ACTR3C: variants seen among roughly 807,000 people sequenced by gnomAD.
ACTR3C encodes actin related protein 3C, also known as actin-related protein 3C.
A neutral mutation model predicts 26.3 loss-of-function variants in ACTR3C; 18 were observed. The observed-to-expected ratio is 0.68, with a 90% CI of 0.47 to 1.01. The LOEUF is 1.01. ACTR3C is among the 50% of genes least tolerant of loss of function. The pLI is 0.00. For missense variants in ACTR3C, 184 were observed against 250.7 expected (o/e 0.73, Z 1.80); for synonymous variants, 55 against 94.5 (o/e 0.58, Z 2.42).
chr7:150,305,325 C>T (rs150857048), intron 1 of ACTR3C, among the ~76,000 whole-genome samples: 242 of 152,250 alleles, frequency 1.6e-3, no homozygotes, highest in Non-Finnish European at 2.7e-3. Flanking sequence ...CCACTCCTAC[C>T]ATTCTCACCC....
intron 6 of ACTR3C, among the ~76,000 whole-genome samples, chr7:150,282,874 T>C (rs1370858395): frequency 6.7e-6 from 1 of 148,188 alleles, no homozygotes; most frequent in Non-Finnish European, 1.5e-5. Context: ...AAGAATCCTC[T>C]TCCCTCCGCA....
intron 3 of ACTR3C, among the ~76,000 whole-genome samples, chr7:150,290,954 A>G (rs2129612927): frequency 6.6e-6 from 1 of 152,356 alleles, no homozygotes; most frequent in East Asian, 1.9e-4. Flanking sequence ...TAAATTATGT[A>G]CTTCTTAAAT....
At chr7:150,132,303 A>T in the ACTR3C span, among the ~76,000 whole-genome samples, 1 of 152,248 alleles carries the variant, frequency 6.6e-6, no homozygotes, top group Non-Finnish European at 1.5e-5. Flanking sequence ...TAGGTTGCAT[A>T]GCTCTCTGGA....
chr7:150,039,848 C>T, the ACTR3C span, among the ~76,000 whole-genome samples: 2 of 127,766 alleles, frequency 1.6e-5, no homozygotes, highest in African/African-American at 5.8e-5. Context: ...GATGGGGGTC[C>T]TAAGAGCAAA....
the ACTR3C span, among the ~76,000 whole-genome samples, chr7:150,149,950 A>C: frequency 1.9e-4 from 29 of 152,360 alleles, no homozygotes; most frequent in African/African-American, 6.3e-4. Context: ...CCGATTTTCT[A>C]ACAAGCCACA....
the ACTR3C span, among the ~76,000 whole-genome samples, chr7:150,137,235 C>T: frequency 3.3e-5 from 5 of 152,162 alleles, no homozygotes; most frequent in South Asian, 8.3e-4. Context: ...CCTCTTGAAG[C>T]GGGATGCTTT....
chr7:150,049,404 G>A, the ACTR3C span, among the ~76,000 whole-genome samples: 10 of 152,208 alleles, frequency 6.6e-5, no homozygotes, highest in East Asian at 5.8e-4. Flanking sequence ...CCAGAGGGGG[G>A]AACCTGTGAG....
chr7:150,166,741 C>T, the ACTR3C span, among the ~76,000 whole-genome samples: 1 of 149,982 alleles, frequency 6.7e-6, no homozygotes, highest in African/African-American at 2.5e-5. Context: ...TGCTGTTGAA[C>T]ATTAGAATGT....
the ACTR3C span, among the ~76,000 whole-genome samples, chr7:150,145,120 T>C: frequency 7.0e-6 from 1 of 142,260 alleles, no homozygotes; most frequent in Non-Finnish European, 1.5e-5. Context: ...GAGAAATAAC[T>C]GAGTGGAAAA....
At chr7:150,107,337 A>T in the ACTR3C span, among the ~76,000 whole-genome samples, 1 of 151,832 alleles carries the variant, frequency 6.6e-6, no homozygotes, top group Admixed American at 6.6e-5. Context: ...ATCAGTGTCA[A>T]CTTTGAAGAA....
At chr7:149,929,419 T>G in the ACTR3C span, among the ~76,000 whole-genome samples, 1 of 83,132 alleles carries the variant, frequency 1.2e-5, no homozygotes, top group African/African-American at 4.1e-5. Context: ...CAGAACAAGA[T>G]TCTGTCAAAA....
the ACTR3C span, among the ~76,000 whole-genome samples, chr7:150,230,632 T>C: frequency 6.6e-6 from 1 of 152,190 alleles, no homozygotes; most frequent in African/African-American, 2.4e-5. Context: ...CATGATGATC[T>C]GAGGTGGAAG....
chr7:150,171,837 T>C, the ACTR3C span, among the ~76,000 whole-genome samples: 1 of 150,498 alleles, frequency 6.6e-6, no homozygotes, highest in Non-Finnish European at 1.5e-5. Context: ...TCTTTTGAGA[T>C]AGTCTCACTC....
At chr7:150,214,377 G>T in the ACTR3C span, among the ~76,000 whole-genome samples, 36 of 152,026 alleles carry the variant, frequency 2.4e-4, no homozygotes, top group African/African-American at 8.2e-4. Flanking sequence ...GCAGAAAATA[G>T]AAATTATGGA....
chr7:150,195,519 G>T, the ACTR3C span, among the ~76,000 whole-genome samples: 1 of 151,948 alleles, frequency 6.6e-6, no homozygotes, highest in African/African-American at 2.4e-5. Flanking sequence ...CTTCATTTTT[G>T]AAAGATATTT....
intron 1 of ACTR3C, among the ~76,000 whole-genome samples, chr7:150,306,668 G>A (rs73470356): frequency 0.041 from 6,201 of 152,266 alleles, 420 homozygotes; most frequent in African/African-American, 0.14. Flanking sequence ...ACAACACAGC[G>A]AGACCCGGTT....
chr7:149,933,202 G>C, the ACTR3C span, among the ~76,000 whole-genome samples: 18 of 150,258 alleles, frequency 1.2e-4, no homozygotes, highest in African/African-American at 4.4e-4. Context: ...ACCTTCTCCA[G>C]AGGCTAATTA....
At chr7:150,230,157 G>A in the ACTR3C span, among the ~76,000 whole-genome samples, 4,222 of 151,792 alleles carry the variant, frequency 0.028, 72 homozygotes, top group South Asian at 0.038. Context: ...CCTGGGAGGC[G>A]GAGCTTGCAG....
the ACTR3C span, among the ~76,000 whole-genome samples, chr7:149,907,870 C>T: frequency 2.0e-5 from 3 of 152,158 alleles, no homozygotes; most frequent in Non-Finnish European, 4.4e-5. Flanking sequence ...ATGGAATGAT[C>T]GGGTTCTGGG....
Sources: gnomAD v4.1 joint callset for allele counts (sites outside exome capture counted in the v4.1 genomes callset) on GRCh38, gnomAD v4.1.1 for gene constraint, MANE v1.5 for transcripts, NCBI Gene and HGNC (gene_info 2026-07-23, HGNC 2026-07-21) for gene names.